The following RBFOX1 variants were observed in gnomAD, a reference collection of about 807,000 sequenced individuals.
The protein encoded by RBFOX1 is RNA binding protein fox-1 homolog 1.
Under a neutral mutation model 57.7 loss-of-function variants are expected in RBFOX1, and 8 were observed. That is an observed-to-expected ratio of 0.14 (90% CI 0.08 to 0.25). RBFOX1 has a LOEUF of 0.25. RBFOX1 is among the 10% of genes least tolerant of loss of function. RBFOX1 has a pLI of 1.00. For synonymous variants in RBFOX1, 326 were observed against 222.4 expected (o/e 1.47, Z -4.15); for missense variants, 611 against 548.5 (o/e 1.11, Z -1.14).
intron 1 of RBFOX1, among the ~76,000 whole-genome samples, chr16:6,283,419 T>G (rs1417002321): frequency 6.6e-6 from 1 of 152,210 alleles, no homozygotes; most frequent in East Asian, 1.9e-4. Context: ...TTATTTATTC[T>G]GTTTTTATCC....
At chr16:6,817,495 ACCAGCCTGG>A (rs1328162272) in intron 3 of RBFOX1, among the ~76,000 whole-genome samples, 1 of 150,592 alleles carries the variant, frequency 6.6e-6, no homozygotes, top group Non-Finnish European at 1.5e-5. Flanking sequence ...AGAGTTCGAG[ACCAGCCTGG>A]CCAGCATGGT....
At chr16:6,058,337 C>T (rs948091852) in intron 1 of RBFOX1, among the ~76,000 whole-genome samples, 1 of 151,612 alleles carries the variant, frequency 6.6e-6, no homozygotes, top group African/African-American at 2.4e-5. Flanking sequence ...TTCCTCCCTC[C>T]TCTCCTTCCT....
At chr16:7,256,477 G>A (rs1427433709) in intron 4 of RBFOX1, among the ~76,000 whole-genome samples, 1 of 152,166 alleles carries the variant, frequency 6.6e-6, no homozygotes, top group African/African-American at 2.4e-5. Flanking sequence ...TCACCAAGGA[G>A]CCTTTTTAGA....
intron 4 of RBFOX1, among the ~76,000 whole-genome samples, chr16:7,359,828 T>C (rs28452287): frequency 0.26 from 39,825 of 151,796 alleles, 5,961 homozygotes; most frequent in African/African-American, 0.41. Flanking sequence ...ACTGAAAATA[T>C]GAAAAATTAG....
At chr16:5,915,841 A>C (rs1342399390) in intron 4 of RBFOX1, among the ~76,000 whole-genome samples, 1 of 152,182 alleles carries the variant, frequency 6.6e-6, no homozygotes, top group East Asian at 1.9e-4. Flanking sequence ...AAAAAGAAAA[A>C]AAAAAGTTTA....
intron 1 of RBFOX1, among the ~76,000 whole-genome samples, chr16:6,155,767 T>G (rs1414686231): frequency 6.6e-6 from 1 of 152,174 alleles, no homozygotes; most frequent in African/African-American, 2.4e-5. Context: ...GGCTTCCATG[T>G]GGGACTCTGC....
intron 2 of RBFOX1, among the ~76,000 whole-genome samples, chr16:6,331,987 C>T (rs2083092993): frequency 6.6e-6 from 1 of 152,120 alleles, no homozygotes; most frequent in Non-Finnish European, 1.5e-5. Flanking sequence ...CCTGTTACAA[C>T]AGGCTGCTGA....
At chr16:6,233,820 A>G (rs931469758) in intron 1 of RBFOX1, among the ~76,000 whole-genome samples, 1 of 152,052 alleles carries the variant, frequency 6.6e-6, no homozygotes, top group African/African-American at 2.4e-5. Context: ...CTGTCACTAA[A>G]TGTGGTTCAC....
intron 4 of RBFOX1, among the ~76,000 whole-genome samples, chr16:7,155,736 T>TACACACACACAC (rs1476111320): frequency 2.4e-5 from 2 of 83,408 alleles, no homozygotes; most frequent in African/African-American, 1.2e-4. Context: ...TATATATATA[T>TACACACACACAC]ATACACACAC....
chr16:5,810,392 C>G (rs1009557510), intron 3 of RBFOX1, among the ~76,000 whole-genome samples: 1 of 152,118 alleles, frequency 6.6e-6, no homozygotes, highest in Non-Finnish European at 1.5e-5. Context: ...TCAGAATAAA[C>G]CAATCTTGCT....
intron 2 of RBFOX1, among the ~76,000 whole-genome samples, chr16:6,643,336 A>G (rs1402682482): frequency 6.6e-6 from 1 of 152,200 alleles, no homozygotes; most frequent in Non-Finnish European, 1.5e-5. Context: ...AAGGAAGTGA[A>G]TAAAATCTAT....
At chr16:7,434,407 G>C (rs1236195224) in intron 4 of RBFOX1, among the ~76,000 whole-genome samples, 3 of 152,054 alleles carry the variant, frequency 2.0e-5, no homozygotes, top group African/African-American at 7.2e-5. Flanking sequence ...GGGAGGCGGA[G>C]CTTGCAGTGA....
intron 4 of RBFOX1, among the ~76,000 whole-genome samples, chr16:5,971,804 G>A (rs1446318750): frequency 6.6e-6 from 1 of 152,164 alleles, no homozygotes; most frequent in Non-Finnish European, 1.5e-5. Context: ...CAGATATTTG[G>A]TCAAATATTA....
At chr16:5,289,769 G>A (rs1490234494) in intron 1 of RBFOX1, among the ~76,000 whole-genome samples, 1 of 152,324 alleles carries the variant, frequency 6.6e-6, no homozygotes, top group African/African-American at 2.4e-5. Flanking sequence ...AATGGAGAGA[G>A]GGAGCTCAGT....
intron 4 of RBFOX1, among the ~76,000 whole-genome samples, chr16:7,339,216 CTG>C (rs2096848026): frequency 6.6e-6 from 1 of 152,138 alleles, no homozygotes. Flanking sequence ...TGCAAAGTCA[CTG>C]TGAGTTTTCA....
chr16:6,935,349 T>A (rs1198047131), intron 3 of RBFOX1, among the ~76,000 whole-genome samples: 3 of 152,024 alleles, frequency 2.0e-5, no homozygotes, highest in East Asian at 3.9e-4. Context: ...GAGCCTCATC[T>A]CCCTCCCCAT....
At chr16:6,710,192 T>C (rs577041820) in intron 3 of RBFOX1, among the ~76,000 whole-genome samples, 27 of 152,276 alleles carry the variant, frequency 1.8e-4, no homozygotes, top group Non-Finnish European at 3.2e-4. Flanking sequence ...TTGGTTTAAC[T>C]TCTCAAAACT....
chr16:6,741,032 A>G lies in RBFOX1; in HGVS notation c.-16+86382A>G, dbSNP rs11866761. Among the ~76,000 whole-genome samples, 142 of 152,228 alleles carry G rather than the reference A, an allele frequency of 9.3e-4. No individual in the cohort carries two copies. The East Asian group carries it at 0.022, about 23-fold the overall frequency. Reference sequence around the variant, plus strand: ...TGCTTAGATGTAGACACCTAAATCAATGGAAGGGAAGAGAAGACACTGAAA... The same window carrying G: ...TGCTTAGATGTAGACACCTAAATCAGTGGAAGGGAAGAGAAGACACTGAAA... On this transcript the variant is annotated intron_variant, in intron 3 of 15. Coordinates refer to ENST00000550418, the MANE Select transcript of RBFOX1 (RefSeq NM_018723.4).
intron 3 of RBFOX1, among the ~76,000 whole-genome samples, chr16:5,804,133 C>A (rs2055153544): frequency 1.3e-5 from 2 of 152,268 alleles, no homozygotes; most frequent in South Asian, 2.1e-4. Flanking sequence ...AAGTCAAGGG[C>A]CTCAGTCCAA....
Sources: allele counts gnomAD v4.1 joint callset (sites outside exome capture counted in the v4.1 genomes callset), GRCh38; gene constraint gnomAD v4.1.1; transcripts MANE v1.5; gene names NCBI Gene and HGNC (gene_info 2026-07-23, HGNC 2026-07-21).